The following KCNH1 variants were observed in gnomAD, a reference collection of about 807,000 sequenced individuals.
The protein encoded by KCNH1 is voltage-gated delayed rectifier potassium channel KCNH1.
Under a neutral mutation model 69.2 loss-of-function variants are expected in KCNH1, and 27 were observed. That is an observed-to-expected ratio of 0.39 (90% CI 0.29 to 0.54). The LOEUF (loss-of-function observed/expected upper bound fraction) is 0.54, where lower values mean the gene tolerates loss of function less well. KCNH1 is among the 20% of genes least tolerant of loss of function. KCNH1 has a pLI of 0.68. For synonymous variants in KCNH1, 456 were observed against 487.7 expected (o/e 0.93, Z 0.86); for missense variants, 798 against 1,261.6 (o/e 0.63, Z 5.57).
intron 10 of KCNH1, among the ~76,000 whole-genome samples, chr1:210,721,218 T>C (rs1383811225): frequency 1.3e-5 from 2 of 152,052 alleles, no homozygotes; most frequent in African/African-American, 2.4e-5. Flanking sequence ...GCACACACAA[T>C]AGGTACTTGA....
Position 210,984,146 on chromosome 1 carries a change from T to C in KCNH1, c.1032+34637A>G, listed in dbSNP as rs562756650. ...TTGTATCCTGAGACTGCTGAAGTTG[T>C]CTATCAGCTTAAGGAGATTTTCAGC... On this transcript the variant is annotated intron_variant, in intron 6 of 10. Coordinates refer to ENST00000271751, the MANE Select transcript of KCNH1 (RefSeq NM_172362.3). Among the ~76,000 whole-genome samples, 765 of 152,322 alleles carry C rather than the reference T, an allele frequency of 5.0e-3. 9 individuals carry two copies. Among genetic ancestry groups the C allele is most frequent in the African/African-American group, 0.018 (728 of 41,570 alleles).
At chr1:211,012,494 A>C (rs1689412156) in intron 6 of KCNH1, among the ~76,000 whole-genome samples, 1 of 152,344 alleles carries the variant, frequency 6.6e-6, no homozygotes, top group South Asian at 2.1e-4. Context: ...AAAAAATGGA[A>C]GAACCCTATA....
rs980380265 is a variant in KCNH1 at position 211,066,058 on chromosome 1, T to TA, written c.558+16721dup. On this transcript the variant is annotated intron_variant, in intron 5 of 10. Coordinates refer to ENST00000271751, the MANE Select transcript of KCNH1 (RefSeq NM_172362.3). ...TGGGCAGCAGAGTGAGCTCTTGTCTTAAAAAAAAATTTTTTTTTAATGTGG... is the reference window on the plus strand; with the variant it reads ...TGGGCAGCAGAGTGAGCTCTTGTCTTAAAAAAAAAATTTTTTTTTAATGTGG... Among the ~76,000 whole-genome samples the TA allele has an allele frequency of 2.6e-5, 4 of 151,930 alleles. No homozygotes were observed. The East Asian group carries it at 7.7e-4, about 29-fold the overall frequency.
At chr1:210,938,811 T>C (rs577676494) in intron 6 of KCNH1, among the ~76,000 whole-genome samples, 2 of 152,380 alleles carry the variant, frequency 1.3e-5, no homozygotes, top group East Asian at 3.9e-4. Flanking sequence ...AGTATGCAAG[T>C]AGTTTATCTT....
intron 10 of KCNH1, among the ~76,000 whole-genome samples, chr1:210,695,226 T>C (rs557966740): frequency 4.6e-5 from 7 of 152,138 alleles, no homozygotes; most frequent in Non-Finnish European, 8.8e-5. Context: ...ACAACTCAAG[T>C]CCTTTACTTT....
intron 6 of KCNH1, among the ~76,000 whole-genome samples, chr1:211,001,532 G>A (rs1222427425): frequency 6.6e-6 from 1 of 152,200 alleles, no homozygotes; most frequent in Admixed American, 6.5e-5. Flanking sequence ...TGGAGAGGAT[G>A]TGGAGATATA....
chr1:211,005,460 T>C (rs936047890), intron 6 of KCNH1, among the ~76,000 whole-genome samples: 6 of 152,126 alleles, frequency 3.9e-5, no homozygotes, highest in African/African-American at 1.4e-4. Context: ...GATCCAGGCC[T>C]ATAAAGACAC....
chr1:210,939,408 C>T (rs141965131), intron 6 of KCNH1, among the ~76,000 whole-genome samples: 1 of 152,220 alleles, frequency 6.6e-6, no homozygotes, highest in African/African-American at 2.4e-5. Flanking sequence ...GAGATGTTAG[C>T]ATTTCAGGCC....
chr1:210,876,079 G>A (rs1045370348), intron 7 of KCNH1, among the ~76,000 whole-genome samples: 1 of 152,090 alleles, frequency 6.6e-6, no homozygotes, highest in African/African-American at 2.4e-5. Context: ...AAAAATTTGG[G>A]AAGGTTGCAA....
At chr1:210,973,281 A>G (rs1176046009) in intron 6 of KCNH1, among the ~76,000 whole-genome samples, 1 of 152,138 alleles carries the variant, frequency 6.6e-6, no homozygotes, top group African/African-American at 2.4e-5. Flanking sequence ...TATGAGATCG[A>G]TCACCTTCTA....
chr1:210,845,392 G>C (rs1041394040), intron 7 of KCNH1, among the ~76,000 whole-genome samples: 4 of 152,080 alleles, frequency 2.6e-5, no homozygotes, highest in African/African-American at 9.7e-5. Context: ...GATCAAGTGG[G>C]CTTCATCCCT....
chr1:210,958,808 G>A (rs1355560645), intron 6 of KCNH1, among the ~76,000 whole-genome samples: 3 of 150,840 alleles, frequency 2.0e-5, no homozygotes, highest in East Asian at 3.9e-4. Context: ...GTAGCCATTC[G>A]TCTAACCTTT....
chr1:211,108,860 C>G (rs1379997550), intron 1 of KCNH1, among the ~76,000 whole-genome samples: 1 of 152,162 alleles, frequency 6.6e-6, no homozygotes, highest in Non-Finnish European at 1.5e-5. Flanking sequence ...ATAAATTGTT[C>G]TTGAGTGCCA....
intron 10 of KCNH1, among the ~76,000 whole-genome samples, chr1:210,739,504 C>T (rs1043304097): frequency 1.3e-5 from 2 of 152,218 alleles, no homozygotes; most frequent in African/African-American, 4.8e-5. Flanking sequence ...ATGGAAAGTC[C>T]TCAGAGATGA....
At chr1:210,740,933 T>G (rs1342690225) in intron 10 of KCNH1, among the ~76,000 whole-genome samples, 1 of 152,076 alleles carries the variant, frequency 6.6e-6, no homozygotes, top group Admixed American at 6.5e-5. Flanking sequence ...ATGGCAAAGG[T>G]GACTTGTCTC....
At chr1:211,098,644 A>G (rs1200536498) in intron 3 of KCNH1, among the ~76,000 whole-genome samples, 2 of 152,212 alleles carry the variant, frequency 1.3e-5, no homozygotes, top group East Asian at 1.9e-4. Context: ...AACTAAAACA[A>G]TGTATTAAAA....
chr1:211,024,672 T>C (rs1223117234), intron 5 of KCNH1, among the ~76,000 whole-genome samples: 3 of 152,052 alleles, frequency 2.0e-5, no homozygotes, highest in Non-Finnish European at 2.9e-5. Flanking sequence ...GACAAAGGAT[T>C]GAGGGAAGAA....
intron 10 of KCNH1, among the ~76,000 whole-genome samples, chr1:210,743,298 T>G (rs115512587): frequency 2.0e-5 from 3 of 151,964 alleles, no homozygotes; most frequent in African/African-American, 7.2e-5. Context: ...AAAGAGGCCC[T>G]AGGGTGGGGG....
chr1:210,726,439 C>A (rs1455924239), intron 10 of KCNH1, among the ~76,000 whole-genome samples: 1 of 152,156 alleles, frequency 6.6e-6, no homozygotes, highest in African/African-American at 2.4e-5. Context: ...CATCTGGGTC[C>A]TGAAGTGTCA....
Sources: allele counts gnomAD v4.1 joint callset (sites outside exome capture counted in the v4.1 genomes callset), GRCh38; gene constraint gnomAD v4.1.1; transcripts MANE v1.5; gene names NCBI Gene and HGNC (gene_info 2026-07-23, HGNC 2026-07-21).